The following DOCK2 variants were observed in gnomAD, a reference collection of about 807,000 sequenced individuals.
DOCK2 encodes the protein dedicator of cytokinesis 2.
Under a neutral mutation model 248.9 loss-of-function variants are expected in DOCK2, and 87 were observed. The observed-to-expected ratio is 0.35, with a 90% CI of 0.29 to 0.42. The LOEUF (loss-of-function observed/expected upper bound fraction) is 0.42, where lower values mean the gene tolerates loss of function less well. Ranked by LOEUF, DOCK2 falls within the 10% of genes least tolerant of loss-of-function variation. The pLI is 1.00. For synonymous variants in DOCK2, 805 were observed against 821.6 expected (o/e 0.98, Z 0.35); for missense variants, 1,747 against 2,300.2 (o/e 0.76, Z 4.92).
In DOCK2 at chr5:169,781,194, T is replaced by C. The variant is rs371668755; in HGVS notation, c.2554+19569T>C. On this transcript the variant is annotated intron_variant, in intron 25 of 51. Transcript: ENST00000520908. The stretch of plus-strand genomic sequence containing the variant: ...ATGTCTTTGGAATGTGGGAGGAAAT[T>C]GGAGTACCTGGAGAAAATCCACATA... Among the ~76,000 whole-genome samples the C allele has an allele frequency of 8.5e-5, 13 of 152,274 alleles. 1 individual carries two copies. Among genetic ancestry groups the C allele is most frequent in the African/African-American group, 3.1e-4 (13 of 41,548 alleles).
At chr5:169,649,040 A>G (rs1757645801) in intron 1 of DOCK2, among the ~76,000 whole-genome samples, 1 of 152,224 alleles carries the variant, frequency 6.6e-6, no homozygotes, top group South Asian at 2.1e-4. Context: ...ACACCTGTCC[A>G]GAGACTTCAG....
intron 33 of DOCK2, among the ~76,000 whole-genome samples, chr5:170,025,385 C>G (rs1755866139): frequency 6.6e-6 from 1 of 152,234 alleles, no homozygotes; most frequent in African/African-American, 2.4e-5. Context: ...GTCACAGAGA[C>G]CATCTGGCCT....
intron 10 of DOCK2, among the ~76,000 whole-genome samples, chr5:169,697,860 A>G (rs1760723597): frequency 6.6e-6 from 1 of 152,176 alleles, no homozygotes; most frequent in East Asian, 1.9e-4. Flanking sequence ...TGGCTGATTT[A>G]AGGAAAGGTT....
chr5:170,074,974 G>A (rs1315340267), intron 46 of DOCK2, among the ~76,000 whole-genome samples: 1 of 152,120 alleles, frequency 6.6e-6, no homozygotes, highest in East Asian at 1.9e-4. Flanking sequence ...AGCTCTGGAA[G>A]GTCAGTTATG....
At chr5:169,702,701 T>TATG (rs1561616330) in intron 14 of DOCK2, 3,310 of 105,556 alleles carry the variant, frequency 0.031, 119 homozygotes, top group African/African-American at 0.16. Flanking sequence ...ATGTATGTAT[T>TATG]TATTTATTTA....
At chr5:169,717,558 C>A in intron 21 of DOCK2, 74 bp downstream of exon 21, 1 of 1,379,182 alleles carries the variant, frequency 7.3e-7, no homozygotes, top group Non-Finnish European at 1.0e-6. Context: ...GGCACAGGAA[C>A]TTGAGTAATT....
rs553157034 is a variant in DOCK2, at chr5:169,811,503, T to C, written c.2703+8297T>C. On this transcript the variant is annotated intron_variant, in intron 26 of 51. Transcript: ENST00000520908. ...AGCTAATTAAGCCCCAAACCTGAGG[T>C]TGAAATACATGAGATCACTGCACCT... Among the ~76,000 whole-genome samples, 13 of 152,282 alleles carry C rather than the reference T, an allele frequency of 8.5e-5. No individual in the cohort carries two copies. The East Asian group carries it at 2.5e-3, about 29-fold the overall frequency.
intron 30 of DOCK2, 29 bp downstream of exon 30, chr5:169,996,193 G>A: frequency 6.2e-7 from 1 of 1,609,868 alleles, no homozygotes; most frequent in Non-Finnish European, 8.5e-7. Context: ...AGCTACCCTT[G>A]GAGCTGCCCA....
chr5:170,015,567 T>TTTTCG (rs113103035), intron 32 of DOCK2, among the ~76,000 whole-genome samples: 1 of 150,960 alleles, frequency 6.6e-6, no homozygotes, highest in East Asian at 2.0e-4. Context: ...TTTAGGTTTT[T>TTTTCG]TTTGTTTGTT....
intron 27 of DOCK2, among the ~76,000 whole-genome samples, chr5:169,944,402 C>A (rs369579313): frequency 6.6e-6 from 1 of 152,178 alleles, no homozygotes; most frequent in African/African-American, 2.4e-5. Context: ...ACGTGGCAGC[C>A]GTGGCCTTCT....
intron 27 of DOCK2, among the ~76,000 whole-genome samples, chr5:169,858,932 G>A (rs2113397556): frequency 6.6e-6 from 1 of 152,278 alleles, no homozygotes; most frequent in East Asian, 1.9e-4. Flanking sequence ...AAGGATTGCT[G>A]GAGCCTAGGA....
intron 26 of DOCK2, among the ~76,000 whole-genome samples, chr5:169,822,584 C>T (rs1015536715): frequency 2.0e-5 from 3 of 152,046 alleles, no homozygotes; most frequent in Non-Finnish European, 4.4e-5. Flanking sequence ...AACAAAGACA[C>T]AACACGCCAG....
At chr5:170,078,949 C>A in intron 48 of DOCK2, 26 bp from the exon 49 acceptor site, 3 of 1,612,430 alleles carry the variant, frequency 1.9e-6, no homozygotes, top group South Asian at 1.1e-5. Context: ...ACTGCAGTTT[C>A]TATTGCTGCC....
chr5:169,637,423 G>A, intron 1 of DOCK2, 54 bp downstream of exon 1: 1 of 1,306,034 alleles, frequency 7.7e-7, no homozygotes, highest in Non-Finnish European at 9.7e-7. Flanking sequence ...CGGGAGAGCC[G>A]CGAGCAGGAG....
intron 2 of DOCK2, among the ~76,000 whole-genome samples, chr5:169,656,018 G>A (rs1224356198): frequency 6.6e-6 from 1 of 152,186 alleles, no homozygotes; most frequent in Non-Finnish European, 1.5e-5. Flanking sequence ...GGACAAGGCT[G>A]GAGGAGAGGG....
chr5:169,697,349 T>C (rs887877118), intron 10 of DOCK2, among the ~76,000 whole-genome samples: 2 of 152,180 alleles, frequency 1.3e-5, no homozygotes, highest in Non-Finnish European at 2.9e-5. Context: ...TGGCAAATTA[T>C]CAGCCAGCTG....
intron 27 of DOCK2, among the ~76,000 whole-genome samples, chr5:169,944,441 G>A (rs75113919): frequency 1.9e-3 from 286 of 152,336 alleles, no homozygotes; most frequent in Non-Finnish European, 3.3e-3. Context: ...AGCCAGCCGT[G>A]ACTCTGGAGA....
At chr5:169,787,593 C>T (rs777137195) in intron 25 of DOCK2, among the ~76,000 whole-genome samples, 6 of 152,050 alleles carry the variant, frequency 3.9e-5, no homozygotes, top group Non-Finnish European at 7.4e-5. Context: ...AAGTGAAAAT[C>T]CCTCCTGTTT....
intron 38 of DOCK2, 132 bp downstream of exon 38, chr5:170,042,264 C>A: frequency 8.6e-7 from 1 of 1,158,780 alleles, no homozygotes; most frequent in Non-Finnish European, 1.2e-6. Flanking sequence ...TCACTTCTCT[C>A]CACTTCCTCT....
Sources: allele counts gnomAD v4.1 joint callset (sites outside exome capture counted in the v4.1 genomes callset), GRCh38; gene constraint gnomAD v4.1.1; transcripts MANE v1.5; gene names NCBI Gene and HGNC (gene_info 2026-07-23, HGNC 2026-07-21).